Variants in PARN observed in about 807,000 individuals in gnomAD.
PARN encodes the protein poly(A)-specific ribonuclease PARN.
PARN carries 71 observed loss-of-function variants against 102.8 expected under a neutral mutation model. The ratio of observed to expected loss-of-function variants is 0.69; its 90% CI spans 0.57 to 0.84. The LOEUF (loss-of-function observed/expected upper bound fraction) is 0.84, where lower values mean the gene tolerates loss of function less well. PARN is among the 40% of genes least tolerant of loss of function. The pLI, the probability that PARN is intolerant of heterozygous loss-of-function variation, is 0.00. For synonymous variants in PARN, 261 were observed against 252.9 expected, an observed-to-expected ratio of 1.03 and a Z score of -0.30; for missense variants, 782 against 760.9, an observed-to-expected ratio of 1.03 and a Z score of -0.33.
At chr16:14,618,473 G>A (rs1972068803) in intron 5 of PARN, among the ~76,000 whole-genome samples, 1 of 148,186 alleles carries the variant, frequency 6.7e-6, no homozygotes, top group African/African-American at 2.5e-5. Flanking sequence ...CAGCCTGGGT[G>A]ACAGAGCAAG....
intron 21 of PARN, among the ~76,000 whole-genome samples, chr16:14,508,191 G>GGC (rs1964994117): frequency 6.6e-6 from 1 of 151,696 alleles, no homozygotes; most frequent in Non-Finnish European, 1.5e-5. Context: ...CAGGCAGGCA[G>GGC]ATAGATAGAT....
At chr16:14,586,431 G>C in intron 13 of PARN, 70 bp from the exon 14 acceptor site, 1 of 896,082 alleles carries the variant, frequency 1.1e-6, no homozygotes, top group Non-Finnish European at 1.8e-6. Context: ...CATGTAAACA[G>C]CTCAAGTTCC....
At chr16:14,494,876 C>A (rs1467583646) in intron 21 of PARN, among the ~76,000 whole-genome samples, 2 of 152,004 alleles carry the variant, frequency 1.3e-5, no homozygotes, top group Non-Finnish European at 2.9e-5. Context: ...CCATCTGGGA[C>A]CAGGGAACAA....
chr16:14,453,188 T>C (rs1961538157), intron 22 of PARN, among the ~76,000 whole-genome samples: 1 of 152,218 alleles, frequency 6.6e-6, no homozygotes, highest in Admixed American at 6.5e-5. Flanking sequence ...GGTGATTAAT[T>C]AAAAAATAAA....
At chr16:14,609,638 G>A (rs1971398621) in intron 7 of PARN, among the ~76,000 whole-genome samples, 1 of 152,170 alleles carries the variant, frequency 6.6e-6, no homozygotes, top group African/African-American at 2.4e-5. Context: ...GGTTACTGCT[G>A]CTATTTATTA....
intron 21 of PARN, among the ~76,000 whole-genome samples, chr16:14,550,648 T>C (rs1967236710): frequency 6.6e-6 from 1 of 152,206 alleles, no homozygotes; most frequent in South Asian, 2.1e-4. Flanking sequence ...TGATCTGAAT[T>C]TGTATATTTG....
intron 13 of PARN, among the ~76,000 whole-genome samples, chr16:14,589,361 C>T (rs1303978452): frequency 2.0e-5 from 3 of 151,518 alleles, no homozygotes; most frequent in African/African-American, 4.9e-5. Flanking sequence ...CGCAGGAGTT[C>T]GAGAGCAGCC....
intron 13 of PARN, among the ~76,000 whole-genome samples, chr16:14,590,234 C>CAAAAAAA (rs11302769): frequency 6.5e-5 from 3 of 45,960 alleles, no homozygotes; most frequent in Non-Finnish European, 1.0e-4. Flanking sequence ...GACTCCATCT[C>CAAAAAAA]AAAAAAAAAA....
intron 6 of PARN, among the ~76,000 whole-genome samples, chr16:14,616,353 C>T (rs1180710276): frequency 6.6e-6 from 1 of 152,186 alleles, no homozygotes; most frequent in Non-Finnish European, 1.5e-5. Flanking sequence ...CAGGTGCTCC[C>T]CAGGCCATCA....
At chr16:14,581,513 C>T (rs1969532562) in intron 17 of PARN, among the ~76,000 whole-genome samples, 1 of 152,128 alleles carries the variant, frequency 6.6e-6, no homozygotes, top group Non-Finnish European at 1.5e-5. Flanking sequence ...GCTATAGGTT[C>T]AATGTTTGTG....
intron 19 of PARN, 110 bp downstream of exon 19, chr16:14,555,544 G>T: frequency 2.0e-6 from 1 of 506,538 alleles, no homozygotes; most frequent in Non-Finnish European, 3.5e-6. Context: ...CAAAATCACA[G>T]CCCAATTTTG....
chr16:14,599,865 T>A (rs1596812316), intron 12 of PARN, 39 bp downstream of exon 12: 3 of 1,270,858 alleles, frequency 2.4e-6, no homozygotes, highest in Middle Eastern at 1.9e-4. Context: ...CCTGAAATAG[T>A]ATGTTCTGCA....
At chr16:14,519,519 G>C (rs932499175) in intron 21 of PARN, among the ~76,000 whole-genome samples, 2 of 152,082 alleles carry the variant, frequency 1.3e-5, no homozygotes, top group Non-Finnish European at 2.9e-5. Flanking sequence ...TCCAGGTCTG[G>C]GGAAGTGAAT....
intron 18 of PARN, among the ~76,000 whole-genome samples, chr16:14,571,274 T>C (rs371499920): frequency 1.0e-4 from 15 of 149,634 alleles, no homozygotes; most frequent in African/African-American, 3.7e-4. Context: ...ATCCCAGCTA[T>C]CAGGAGGCGG....
At chr16:14,604,539 G>T (rs144193959) in intron 10 of PARN, among the ~76,000 whole-genome samples, 2 of 152,186 alleles carry the variant, frequency 1.3e-5, no homozygotes, top group East Asian at 3.9e-4. Context: ...GGGATTACAG[G>T]TGTGAGCCAC....
At chr16:14,471,689 G>A (rs1026159009) in intron 22 of PARN, among the ~76,000 whole-genome samples, 11 of 152,020 alleles carry the variant, frequency 7.2e-5, no homozygotes, top group East Asian at 5.8e-4. Context: ...GGCAATCACC[G>A]CTCTACTTTC....
chr16:14,543,674 A>G (rs1966854879), intron 21 of PARN, among the ~76,000 whole-genome samples: 2 of 152,242 alleles, frequency 1.3e-5, no homozygotes, highest in Admixed American at 6.5e-5. Flanking sequence ...CACTAAAAAT[A>G]ATGCAAAAAG....
intron 17 of PARN, among the ~76,000 whole-genome samples, chr16:14,581,292 T>C (rs987169595): frequency 6.6e-6 from 1 of 152,116 alleles, no homozygotes; most frequent in Non-Finnish European, 1.5e-5. Flanking sequence ...CCTCAGGTGA[T>C]CCACCCACCT....
chr16:14,587,802 AC>A (rs955065483), intron 13 of PARN, among the ~76,000 whole-genome samples: 5 of 152,276 alleles, frequency 3.3e-5, no homozygotes, highest in African/African-American at 1.2e-4. Context: ...GCTTATCCTA[AC>A]CCACTTACTA....
Sources: gnomAD v4.1 joint callset for allele counts (sites outside exome capture counted in the v4.1 genomes callset) on GRCh38, gnomAD v4.1.1 for gene constraint, MANE v1.5 for transcripts, NCBI Gene and HGNC (gene_info 2026-07-23, HGNC 2026-07-21) for gene names.